The following FAT3 variants were observed in gnomAD, a reference collection of about 807,000 sequenced individuals.
The protein encoded by FAT3 is FAT atypical cadherin 3.
A neutral mutation model predicts 310.2 loss-of-function variants in FAT3; 95 were observed. The ratio of observed to expected loss-of-function variants is 0.31; its 90% CI spans 0.26 to 0.36. The LOEUF is 0.36. Among genes scored for constraint, FAT3 ranks in the 10% least tolerant of loss-of-function variants. The pLI, the probability that FAT3 is intolerant of heterozygous loss-of-function variation, is 1.00. For missense variants in FAT3, 5,408 were observed against 5,715.6 expected, an observed-to-expected ratio of 0.95 and a Z score of 1.74; for synonymous variants, 2,314 against 2,192.9, an observed-to-expected ratio of 1.06 and a Z score of -1.54.
chr11:92,432,005 C>G (rs1218224137), intron 2 of FAT3, among the ~76,000 whole-genome samples: 3 of 152,068 alleles, frequency 2.0e-5, no homozygotes, highest in African/African-American at 7.2e-5. Context: ...TCCATATGAA[C>G]TTTAAGTAGT....
At chr11:92,409,755 G>T (rs148571257) in intron 2 of FAT3, among the ~76,000 whole-genome samples, 2 of 152,278 alleles carry the variant, frequency 1.3e-5, no homozygotes, top group East Asian at 1.9e-4. Context: ...CAGCATGATT[G>T]CAGGGTAGTG....
At chr11:92,606,420 C>T (rs1940300237) in intron 3 of FAT3, among the ~76,000 whole-genome samples, 1 of 152,152 alleles carries the variant, frequency 6.6e-6, no homozygotes, top group South Asian at 2.1e-4. Flanking sequence ...AGGGAGCTGG[C>T]ACCCTTTAGA....
At chr11:92,464,776 A>G (rs1303714149) in intron 2 of FAT3, among the ~76,000 whole-genome samples, 1 of 152,158 alleles carries the variant, frequency 6.6e-6, no homozygotes, top group Non-Finnish European at 1.5e-5. Context: ...TTTGAAAGTT[A>G]TTCTTTTGGA....
intron 2 of FAT3, among the ~76,000 whole-genome samples, chr11:92,483,966 T>C (rs760520487): frequency 5.9e-5 from 9 of 152,376 alleles, no homozygotes; most frequent in South Asian, 2.1e-4. Context: ...CTAGTTATTA[T>C]GATTGTGGTA....
chr11:92,708,906 T>A (rs1321435747), intron 4 of FAT3, among the ~76,000 whole-genome samples: 4 of 152,226 alleles, frequency 2.6e-5, no homozygotes, highest in African/African-American at 4.8e-5. Flanking sequence ...GACAGGCTAA[T>A]GAGTCAACCG....
intron 2 of FAT3, among the ~76,000 whole-genome samples, chr11:92,440,500 G>A (rs916527810): frequency 1.3e-5 from 2 of 152,178 alleles, no homozygotes; most frequent in Non-Finnish European, 2.9e-5. Context: ...TAGTCAGAGT[G>A]TGCTTCTGTG....
At position 92,895,302 on chromosome 11, in the gene FAT3, G is replaced by A. The variant is rs1205693490; in HGVS notation, c.*4189G>A. On this transcript the variant is annotated 3_prime_UTR_variant, in exon 28 of 28. Transcript: ENST00000525166. ...ACAGTGTTCAACTGCACATTATTCT[G>A]ATGAAAATCCACAATGTCTTTGAGC... 1 of 152,220 alleles carries A rather than the reference G, an allele frequency of 6.6e-6. No individual in the cohort carries two copies. The highest frequency in any genetic ancestry group is 1.5e-5 in the Non-Finnish European group (1 of 68,038). The allele number at this position is 152,220 out of a possible 1,614,324, so 9.4% of individuals were successfully genotyped here.
intron 3 of FAT3, among the ~76,000 whole-genome samples, chr11:92,623,913 A>C (rs1941206720): frequency 6.6e-6 from 1 of 152,198 alleles, no homozygotes; most frequent in Non-Finnish European, 1.5e-5. Context: ...ACTGCACTCC[A>C]ACCTGGATGA....
At chr11:92,592,772 A>C (rs1230101705) in intron 3 of FAT3, among the ~76,000 whole-genome samples, 1 of 152,168 alleles carries the variant, frequency 6.6e-6, no homozygotes, top group Non-Finnish European at 1.5e-5. Flanking sequence ...TAGGTATTTA[A>C]AGATATGGTG....
intron 1 of FAT3, among the ~76,000 whole-genome samples, chr11:92,348,697 G>A (rs1243973089): frequency 6.6e-6 from 1 of 152,142 alleles, no homozygotes; most frequent in East Asian, 1.9e-4. Flanking sequence ...TGGGAAACTT[G>A]AGTCCTGGCA....
intron 2 of FAT3, among the ~76,000 whole-genome samples, chr11:92,507,650 A>G (rs1205202989): frequency 6.6e-6 from 1 of 151,090 alleles, no homozygotes; most frequent in East Asian, 1.9e-4. Flanking sequence ...TGGAATATAT[A>G]CATATATACA....
chr11:92,727,645 C>T (rs1175334358), intron 4 of FAT3, among the ~76,000 whole-genome samples: 2 of 152,120 alleles, frequency 1.3e-5, no homozygotes, highest in African/African-American at 4.8e-5. Context: ...CGACATAGAC[C>T]ATGGGCAGCA....
chr11:92,453,298 C>T (rs779170260), intron 2 of FAT3, among the ~76,000 whole-genome samples: 18 of 152,136 alleles, frequency 1.2e-4, no homozygotes, highest in African/African-American at 2.7e-4. Context: ...CAAATGAGAT[C>T]AGTTAAATGT....
chr11:92,350,693 CTCAGT>C, intron 1 of FAT3, among the ~76,000 whole-genome samples: 2 of 152,206 alleles, frequency 1.3e-5, no homozygotes, highest in Non-Finnish European at 2.9e-5. Context: ...TTCTCTGACC[CTCAGT>C]TTTCTAATAT....
At chr11:92,835,126 T>A (rs1403721587) in intron 15 of FAT3, 42 bp downstream of exon 15, 1 of 1,527,050 alleles carries the variant, frequency 6.5e-7, no homozygotes, top group African/African-American at 1.4e-5. Flanking sequence ...TGTTTGGGAC[T>A]AGTCATCCAC....
At chr11:92,301,713 T>G (rs1302707290) in intron 1 of FAT3, among the ~76,000 whole-genome samples, 1 of 152,074 alleles carries the variant, frequency 6.6e-6, no homozygotes, top group Non-Finnish European at 1.5e-5. Context: ...TGCAATTTGT[T>G]TCACAGTTAT....
chr11:92,636,027 C>T (rs905809148), intron 3 of FAT3, among the ~76,000 whole-genome samples: 3 of 152,018 alleles, frequency 2.0e-5, no homozygotes, highest in African/African-American at 4.8e-5. Flanking sequence ...GCAGTGGTGC[C>T]ATCTTGGCTC....
chr11:92,277,788 C>T (rs1264599622), intron 1 of FAT3, among the ~76,000 whole-genome samples: 1 of 151,900 alleles, frequency 6.6e-6, no homozygotes, highest in Non-Finnish European at 1.5e-5. Context: ...ACTTGTACTC[C>T]AAACTCAGAA....
intron 2 of FAT3, among the ~76,000 whole-genome samples, chr11:92,494,644 C>T (rs575448450): frequency 2.0e-5 from 3 of 152,098 alleles, no homozygotes; most frequent in African/African-American, 7.2e-5. Context: ...GAAATTATTA[C>T]AATATTTAGG....
Sources: gnomAD v4.1 joint callset for allele counts (sites outside exome capture counted in the v4.1 genomes callset) on GRCh38, gnomAD v4.1.1 for gene constraint, MANE v1.5 for transcripts, NCBI Gene and HGNC (gene_info 2026-07-23, HGNC 2026-07-21) for gene names.